CDH8: variants seen among roughly 807,000 people sequenced by gnomAD.
The protein encoded by CDH8 is cadherin-8.
In CDH8, 17 loss-of-function variants were observed where a neutral mutation model predicts 68.1. The ratio of observed to expected loss-of-function variants is 0.25; its 90% CI spans 0.17 to 0.37. The LOEUF (loss-of-function observed/expected upper bound fraction) is 0.37, where lower values mean the gene tolerates loss of function less well. Ranked by LOEUF, CDH8 falls within the 10% of genes least tolerant of loss-of-function variation. The pLI, the probability that CDH8 is intolerant of heterozygous loss-of-function variation, is 1.00. For synonymous variants in CDH8, 372 were observed against 365.1 expected (o/e 1.02, Z -0.21); for missense variants, 763 against 999.3 (o/e 0.76, Z 3.19).
chr16:61,999,119 A>G (rs1180529227), intron 2 of CDH8, among the ~76,000 whole-genome samples: 1 of 152,220 alleles, frequency 6.6e-6, no homozygotes, highest in Non-Finnish European at 1.5e-5. Context: ...AGTAAGGATA[A>G]TAAAGAGAGT....
rs531480753 is a variant in CDH8 at position 61,818,167 on chromosome 16, G to T, written c.1024-435C>A. 25 of 159,880 alleles carry T rather than the reference G, an allele frequency of 1.6e-4. No homozygotes were observed. The South Asian group carries it at 4.4e-3, about 28-fold the overall frequency. 9.9% of individuals were successfully genotyped at this position (159,880 alleles called of 1,614,324 possible). On this transcript the variant is annotated intron_variant, in intron 6 of 11. Coordinates refer to ENST00000577390, the MANE Select transcript of CDH8 (RefSeq NM_001796.5). ...TATTTTATCATTTCTGCAACAGAGTGTGAAATGTAAAGAACTAGAAATAAT... is the reference window on the plus strand; with the variant it reads ...TATTTTATCATTTCTGCAACAGAGTTTGAAATGTAAAGAACTAGAAATAAT...
At chr16:61,948,290 C>T (rs1348249650) in intron 2 of CDH8, among the ~76,000 whole-genome samples, 2 of 152,030 alleles carry the variant, frequency 1.3e-5, no homozygotes, top group African/African-American at 2.4e-5. Context: ...TAATCATTGT[C>T]GGGTATATTT....
intron 3 of CDH8, among the ~76,000 whole-genome samples, chr16:61,899,804 A>G (rs1021854658): frequency 2.7e-5 from 4 of 150,004 alleles, no homozygotes; most frequent in African/African-American, 9.9e-5. Context: ...TTAAATTCCA[A>G]CTAATTTCCA....
intron 4 of CDH8, among the ~76,000 whole-genome samples, chr16:61,843,226 G>C (rs1013245033): frequency 6.6e-6 from 1 of 152,038 alleles, no homozygotes; most frequent in African/African-American, 2.4e-5. Flanking sequence ...AATGTCTTAC[G>C]TTACCAACAA....
intron 2 of CDH8, among the ~76,000 whole-genome samples, chr16:61,953,279 A>G (rs545502196): frequency 6.6e-6 from 1 of 152,252 alleles, no homozygotes; most frequent in Non-Finnish European, 1.5e-5. Flanking sequence ...AAATTAATAC[A>G]AGACATATTA....
At chr16:61,873,656 T>C (rs1007247502) in intron 3 of CDH8, among the ~76,000 whole-genome samples, 1 of 152,180 alleles carries the variant, frequency 6.6e-6, no homozygotes, top group Non-Finnish European at 1.5e-5. Context: ...TTTTGATTTT[T>C]TCCTGAGCTA....
At chr16:61,940,903 C>T (rs1042610946) in intron 2 of CDH8, among the ~76,000 whole-genome samples, 1 of 152,132 alleles carries the variant, frequency 6.6e-6, no homozygotes, top group African/African-American at 2.4e-5. Flanking sequence ...TGTCTCAGAT[C>T]TCAGGACAAG....
chr16:61,726,775 A>G, intron 9 of CDH8: 1 of 381,362 alleles, frequency 2.6e-6, no homozygotes. Flanking sequence ...TGTCATTTGA[A>G]AGTAAAAATT....
intron 8 of CDH8, among the ~76,000 whole-genome samples, chr16:61,751,178 T>C (rs925065484): frequency 2.6e-5 from 4 of 151,794 alleles, no homozygotes; most frequent in Admixed American, 2.6e-4. Context: ...TAAATACCGA[T>C]GCAATACAGC....
At chr16:61,654,545 G>T (rs1391813704) in intron 11 of CDH8, among the ~76,000 whole-genome samples, 1 of 152,068 alleles carries the variant, frequency 6.6e-6, no homozygotes, top group Non-Finnish European at 1.5e-5. Context: ...GTTTTTCAAG[G>T]CACTCTCCAA....
intron 10 of CDH8, among the ~76,000 whole-genome samples, chr16:61,666,178 CTGTGTGTG>C (rs370163800): frequency 1.4e-5 from 2 of 144,198 alleles, no homozygotes; most frequent in East Asian, 2.0e-4. Context: ...AGCACATACT[CTGTGTGTG>C]TGTGTGTGTG....
At chr16:61,915,097 T>C (rs922866780) in intron 2 of CDH8, among the ~76,000 whole-genome samples, 4 of 152,336 alleles carry the variant, frequency 2.6e-5, no homozygotes, top group Non-Finnish European at 5.9e-5. Context: ...TTTCTAATTG[T>C]ACCTTCCTTC....
chr16:61,820,314 G>GTTTTTTTTTT (rs545670875), intron 6 of CDH8, among the ~76,000 whole-genome samples: 4 of 90,776 alleles, frequency 4.4e-5, no homozygotes, highest in East Asian at 3.8e-4. Context: ...TGCCTGTTTG[G>GTTTTTTTTTT]TTTTTTTTTT....
intron 10 of CDH8, among the ~76,000 whole-genome samples, chr16:61,666,945 T>C (rs1963691574): frequency 6.6e-6 from 1 of 152,082 alleles, no homozygotes; most frequent in Admixed American, 6.6e-5. Context: ...ACACTTCATT[T>C]ATACCTTTCT....
chr16:62,012,697 A>AT (rs1388575589), intron 2 of CDH8, among the ~76,000 whole-genome samples: 2 of 152,222 alleles, frequency 1.3e-5, no homozygotes, highest in East Asian at 3.8e-4. Flanking sequence ...AACCACATAT[A>AT]TTGGCGGAAA....
At chr16:61,866,460 T>C (rs1963254393) in intron 3 of CDH8, among the ~76,000 whole-genome samples, 1 of 152,132 alleles carries the variant, frequency 6.6e-6, no homozygotes, top group African/African-American at 2.4e-5. Context: ...CTTCATTAAA[T>C]GTATTTTCTC....
intron 2 of CDH8, among the ~76,000 whole-genome samples, chr16:61,925,977 G>T (rs1964449881): frequency 6.6e-6 from 1 of 152,102 alleles, no homozygotes; most frequent in African/African-American, 2.4e-5. Flanking sequence ...ACCATATACT[G>T]TTCAAATTGC....
chr16:62,014,509 C>T (rs1391744525), intron 2 of CDH8, among the ~76,000 whole-genome samples: 1 of 152,198 alleles, frequency 6.6e-6, no homozygotes, highest in Non-Finnish European at 1.5e-5. Context: ...TAAGCTGTGA[C>T]TGCGTAGTCC....
At chr16:61,785,354 C>T (rs1311006050) in intron 8 of CDH8, among the ~76,000 whole-genome samples, 1 of 99,502 alleles carries the variant, frequency 1.0e-5, no homozygotes, top group Non-Finnish European at 1.9e-5. Flanking sequence ...TGGATACATT[C>T]CTCGACACAT....
Sources: allele counts gnomAD v4.1 joint callset (sites outside exome capture counted in the v4.1 genomes callset), GRCh38; gene constraint gnomAD v4.1.1; transcripts MANE v1.5; gene names NCBI Gene and HGNC (gene_info 2026-07-23, HGNC 2026-07-21).